Variants in LRRC37A2 observed in about 807,000 individuals in gnomAD.
LRRC37A2 encodes leucine-rich repeat-containing protein 37A2.
LRRC37A2 carries 9 observed loss-of-function variants against 68.8 expected under a neutral mutation model. The observed-to-expected ratio is 0.13, with a 90% CI of 0.08 to 0.23. LRRC37A2 has a LOEUF of 0.23. Among genes scored for constraint, LRRC37A2 ranks in the 10% least tolerant of loss-of-function variants. LRRC37A2 has a pLI of 1.00. For missense variants in LRRC37A2, 168 were observed against 950.4 expected (o/e 0.18, Z 10.82); for synonymous variants, 63 against 367.6 (o/e 0.17, Z 9.48).
the LRRC37A2 span, among the ~76,000 whole-genome samples, chr17:47,001,717 CTTTTTT>C: frequency 6.6e-4 from 72 of 108,606 alleles, 1 homozygote; most frequent in South Asian, 4.8e-3. Context: ...CTCTTTTTTC[CTTTTTT>C]TTTTTTTTTT....
the LRRC37A2 span, among the ~76,000 whole-genome samples, chr17:46,863,557 A>G: frequency 6.6e-6 from 1 of 152,188 alleles, no homozygotes; most frequent in Admixed American, 6.5e-5. Flanking sequence ...TGGGGCTGGC[A>G]AGTAAGGAGG....
chr17:46,851,686 G>A, the LRRC37A2 span: 2 of 1,305,320 alleles, frequency 1.5e-6, no homozygotes, highest in South Asian at 2.4e-5. The surrounding 1 kb of genome is among the most constrained non-coding windows in gnomAD (Gnocchi z 4.3). Context: ...GCCTGCTGGC[G>A]CTGCCCGCCG....
At chr17:46,424,706 G>A in the LRRC37A2 span, among the ~76,000 whole-genome samples, 1 of 114,370 alleles carries the variant, frequency 8.7e-6, no homozygotes, top group East Asian at 2.2e-4. Context: ...GATCAAATCA[G>A]GCTAATTAAC....
the LRRC37A2 span, among the ~76,000 whole-genome samples, chr17:46,728,002 T>A: frequency 6.6e-6 from 1 of 152,178 alleles, no homozygotes; most frequent in Non-Finnish European, 1.5e-5. Flanking sequence ...TTCTGTTTTT[T>A]TTTTTATTTT....
chr17:46,859,126 G>A, the LRRC37A2 span, among the ~76,000 whole-genome samples: 1 of 151,878 alleles, frequency 6.6e-6, no homozygotes, highest in Non-Finnish European at 1.5e-5. Context: ...ACAGATGCCC[G>A]CCACTGTGCC....
chr17:47,038,985 C>A, the LRRC37A2 span, among the ~76,000 whole-genome samples: 2 of 145,628 alleles, frequency 1.4e-5, no homozygotes, highest in African/African-American at 2.5e-5. Flanking sequence ...TGAGCCACTG[C>A]GCCCAACCAG....
At chr17:46,829,153 T>C in the LRRC37A2 span, among the ~76,000 whole-genome samples, 7 of 152,174 alleles carry the variant, frequency 4.6e-5, no homozygotes. Flanking sequence ...GATTTTTTTA[T>C]GGTGTGCAAA....
At chr17:46,938,638 G>T in the LRRC37A2 span, 1 of 1,613,982 alleles carries the variant, frequency 6.2e-7, no homozygotes, top group Non-Finnish European at 8.5e-7. Context: ...CAACATGCTG[G>T]GCTTGTCCAA....
the LRRC37A2 span, among the ~76,000 whole-genome samples, chr17:46,985,164 T>G: frequency 6.6e-6 from 1 of 152,178 alleles, no homozygotes; most frequent in African/African-American, 2.4e-5. Flanking sequence ...CTGTTCAGCC[T>G]TTGACCCCTA....
chr17:46,398,149 A>G, the LRRC37A2 span, among the ~76,000 whole-genome samples: 1 of 113,644 alleles, frequency 8.8e-6, no homozygotes, highest in African/African-American at 2.8e-5. Context: ...AAAATGCTGT[A>G]AAGTAAAAGT....
the LRRC37A2 span, among the ~76,000 whole-genome samples, chr17:46,688,357 T>C: frequency 6.9e-6 from 1 of 145,902 alleles, no homozygotes; most frequent in Non-Finnish European, 1.5e-5. Context: ...AAAATAAAAA[T>C]AAAAATAAAT....
the LRRC37A2 span, chr17:46,768,356 C>T: frequency 6.2e-7 from 1 of 1,613,832 alleles, no homozygotes; most frequent in South Asian, 1.1e-5. The surrounding 1 kb of genome is among the most constrained non-coding windows in gnomAD (Gnocchi z 5.0). Flanking sequence ...TGCGAATACA[C>T]TCCTGGCAGC....
chr17:47,015,703 T>C, the LRRC37A2 span, among the ~76,000 whole-genome samples: 3 of 152,232 alleles, frequency 2.0e-5, no homozygotes, highest in Admixed American at 2.0e-4. Flanking sequence ...GGAACTTAAC[T>C]TGGGGCTACA....
intron 8 of LRRC37A2, among the ~76,000 whole-genome samples, chr17:46,542,526 G>GAT (rs879872588): frequency 8.9e-5 from 13 of 145,960 alleles, no homozygotes; most frequent in Non-Finnish European, 1.5e-4. Context: ...TATATATATA[G>GAT]ATATAGATAT....
chr17:46,771,717 G>A, the LRRC37A2 span, among the ~76,000 whole-genome samples: 1 of 141,948 alleles, frequency 7.0e-6, no homozygotes, highest in Admixed American at 6.9e-5. Context: ...CCCCGGCCCC[G>A]GCGCCGGGCC....
At chr17:46,493,160 T>A in the LRRC37A2 span, among the ~76,000 whole-genome samples, 2 of 46 alleles carry the variant, frequency 0.043, no homozygotes, top group East Asian at 0.5. Flanking sequence ...TACTAAAATC[T>A]TTTTTTTTTT....
chr17:47,037,617 G>T, the LRRC37A2 span, among the ~76,000 whole-genome samples: 5 of 152,222 alleles, frequency 3.3e-5, no homozygotes, highest in Middle Eastern at 3.4e-3. Context: ...TGGATACCAG[G>T]TTAATATCAC....
At chr17:47,024,770 T>C in the LRRC37A2 span, 79 of 769,310 alleles carry the variant, frequency 1.0e-4, 1 homozygote, top group South Asian at 3.3e-4. Flanking sequence ...GTTAATTATA[T>C]TTATGAGTTT....
At chr17:46,543,909 G>C (rs1598479907) in intron 8 of LRRC37A2, among the ~76,000 whole-genome samples, 2 of 148,050 alleles carry the variant, frequency 1.4e-5, no homozygotes, top group East Asian at 3.9e-4. Context: ...TTGTGCCCAG[G>C]AGTTCGAGAC....
Sources: gnomAD v4.1 joint callset for allele counts (sites outside exome capture counted in the v4.1 genomes callset) on GRCh38, gnomAD v4.1.1 for gene constraint, Gnocchi (gnomAD v3.1) non-coding constraint, MANE v1.5 for transcripts, NCBI Gene and HGNC (gene_info 2026-07-23, HGNC 2026-07-21) for gene names.